SLC4A4: variants seen among roughly 807,000 people sequenced by gnomAD.
SLC4A4 encodes electrogenic sodium bicarbonate cotransporter 1.
Under a neutral mutation model 111.5 loss-of-function variants are expected in SLC4A4, and 27 were observed. The ratio of observed to expected loss-of-function variants is 0.24; its 90% CI spans 0.18 to 0.33. The LOEUF (loss-of-function observed/expected upper bound fraction) is 0.33, where lower values mean the gene tolerates loss of function less well. SLC4A4 is among the 10% of genes least tolerant of loss of function. The pLI is 1.00. For synonymous variants in SLC4A4, 443 were observed against 463.4 expected (o/e 0.96, Z 0.57); for missense variants, 909 against 1,315.5 (o/e 0.69, Z 4.78).
At chr4:71,307,294 C>G (rs1560396417) in intron 3 of SLC4A4, among the ~76,000 whole-genome samples, 1 of 152,188 alleles carries the variant, frequency 6.6e-6, no homozygotes, top group Non-Finnish European at 1.5e-5. Context: ...ATTTTATACA[C>G]ATTTCTGATT....
chr4:71,462,362 G>A (rs1379318059), intron 12 of SLC4A4, among the ~76,000 whole-genome samples: 1 of 150,716 alleles, frequency 6.6e-6, no homozygotes, highest in Non-Finnish European at 1.5e-5. Context: ...CATGCTCTTT[G>A]TGCTGAGCCA....
At chr4:71,457,878 C>A (rs955657527) in intron 12 of SLC4A4, among the ~76,000 whole-genome samples, 2 of 152,058 alleles carry the variant, frequency 1.3e-5, no homozygotes, top group African/African-American at 4.8e-5. Context: ...TTATGTAGTA[C>A]CTTTGCACAT....
chr4:71,089,246 A>C (rs530330465), intron 1 of SLC4A4, among the ~76,000 whole-genome samples: 1 of 151,930 alleles, frequency 6.6e-6, no homozygotes, highest in Non-Finnish European at 1.5e-5. Context: ...TTTCAGCTCC[A>C]TCAGGTCCTT....
At chr4:71,273,296 A>G (rs1578727418) in intron 3 of SLC4A4, among the ~76,000 whole-genome samples, 1 of 152,282 alleles carries the variant, frequency 6.6e-6, no homozygotes, top group African/African-American at 2.4e-5. Context: ...ACTGTGGGGG[A>G]GCATGAAACC....
intron 1 of SLC4A4, among the ~76,000 whole-genome samples, chr4:71,085,731 T>C (rs1220752178): frequency 6.6e-6 from 1 of 152,072 alleles, no homozygotes; most frequent in African/African-American, 2.4e-5. Flanking sequence ...TGCGGCATTA[T>C]TTCTGAGGGC....
At chr4:71,291,930 T>C (rs2149103250) in intron 3 of SLC4A4, among the ~76,000 whole-genome samples, 1 of 152,318 alleles carries the variant, frequency 6.6e-6, no homozygotes, top group Non-Finnish European at 1.5e-5. Context: ...TATCTATTTA[T>C]GGATTATGTG....
rs116017873 is a variant in SLC4A4, at chr4:71,273,642, C to T, written c.253+18243C>T. Among the ~76,000 whole-genome samples the T allele has an allele frequency of 6.4e-3, 970 of 151,132 alleles. 12 individuals carry two copies. Among genetic ancestry groups the T allele is most frequent in the African/African-American group, 0.022 (914 of 41,198 alleles). On this transcript the variant is annotated intron_variant, in intron 3 of 25. Transcript: ENST00000264485. Reference sequence around the variant, plus strand: ...TGGTTTTGGGTAAAGCCGACTTGCTCCTTAAACTGAATATTAGACTGAGGA... The same window carrying T: ...TGGTTTTGGGTAAAGCCGACTTGCTTCTTAAACTGAATATTAGACTGAGGA...
intron 3 of SLC4A4, among the ~76,000 whole-genome samples, chr4:71,322,342 AT>A (rs1727178058): frequency 6.6e-6 from 1 of 151,960 alleles, no homozygotes; most frequent in Non-Finnish European, 1.5e-5. Flanking sequence ...GTGCCTCTAT[AT>A]TCTTATGCAT....
At chr4:71,305,130 G>C (rs1172036618) in intron 3 of SLC4A4, among the ~76,000 whole-genome samples, 1 of 152,170 alleles carries the variant, frequency 6.6e-6, no homozygotes, top group Non-Finnish European at 1.5e-5. Context: ...TTGCCTCAAA[G>C]AATGAGGCTC....
At chr4:71,088,712 T>C (rs1276467023) in intron 1 of SLC4A4, among the ~76,000 whole-genome samples, 2 of 152,044 alleles carry the variant, frequency 1.3e-5, no homozygotes, top group Non-Finnish European at 2.9e-5. Context: ...TTCTTTTCTT[T>C]AAGAATGTTG....
chr4:71,233,401 CG>C (rs1719577344), intron 1 of SLC4A4: 1 of 601,256 alleles, frequency 1.7e-6, no homozygotes, highest in Non-Finnish European at 2.1e-6. Context: ...CTCAGCCACT[CG>C]GTAGCAGTAC....
chr4:71,453,723 A>G (rs1389926595), intron 12 of SLC4A4, 54 bp downstream of exon 12: 1 of 1,530,970 alleles, frequency 6.5e-7, no homozygotes, highest in African/African-American at 1.4e-5. Context: ...TGCCTTCCTC[A>G]CCCCTACAGC....
Position 71,465,154 on chromosome 4 carries a change from G to A in SLC4A4, c.1498-1290G>A, listed in dbSNP as rs1042808723. Reference sequence around the variant, plus strand: ...ATTTCAATTAAAAGGCTTATTTTATGTGGCATAAATCATACTTCTAACAAC... The same window carrying A: ...ATTTCAATTAAAAGGCTTATTTTATATGGCATAAATCATACTTCTAACAAC... On this transcript the variant is annotated intron_variant, in intron 12 of 25. Transcript: ENST00000264485. 4.6e-5 allele frequency among the ~76,000 whole-genome samples: 7 copies of A among 152,108 alleles called. No individual in the cohort carries two copies. The Middle Eastern group carries it at 0.01, about 222-fold the overall frequency.
chr4:71,112,437 A>G (rs1182834219), intron 2 of SLC4A4, among the ~76,000 whole-genome samples: 1 of 152,248 alleles, frequency 6.6e-6, no homozygotes, highest in Non-Finnish European at 1.5e-5. Context: ...ATTTTACACA[A>G]TGCTTCCTGG....
intron 7 of SLC4A4, among the ~76,000 whole-genome samples, chr4:71,425,053 C>T (rs1722991672): frequency 1.3e-5 from 2 of 151,974 alleles, no homozygotes; most frequent in Non-Finnish European, 2.9e-5. Context: ...TGATTCTTAT[C>T]CTTTTTCTTC....
chr4:71,537,785 G>A (rs1373346961), intron 18 of SLC4A4, among the ~76,000 whole-genome samples: 2 of 151,640 alleles, frequency 1.3e-5, no homozygotes, highest in Non-Finnish European at 2.9e-5. Flanking sequence ...TCCCATCTAT[G>A]CCCTCTCCCA....
rs1721159265 is a variant in SLC4A4, at chr4:71,409,394, G to T, written c.807+11741G>T. Among the ~76,000 whole-genome samples, 6 of 152,230 alleles carry T rather than the reference G, an allele frequency of 3.9e-5. No individual in the cohort carries two copies. The South Asian group carries it at 1.2e-3, about 31-fold the overall frequency. On this transcript the variant is annotated intron_variant, in intron 7 of 25. Transcript: ENST00000264485. ...TCAGGCTGAGGTGGTCTCAGATGGA[G>T]ATGTGTAACTTGTTGGGAACTGGAA...
intron 12 of SLC4A4, among the ~76,000 whole-genome samples, chr4:71,462,415 CTTTTTTTTTTT>C (rs869306669): frequency 8.2e-6 from 1 of 121,894 alleles, no homozygotes; most frequent in Non-Finnish European, 1.7e-5. Context: ...ACCTCCTCAT[CTTTTTTTTTTT>C]TTTTTTTTTT....
intron 2 of SLC4A4, 64 bp downstream of exon 2, chr4:71,236,713 T>C: frequency 7.8e-7 from 1 of 1,276,694 alleles, no homozygotes; most frequent in South Asian, 1.2e-5. Context: ...ATAATAACAT[T>C]CATGCATTTC....
Sources: gnomAD v4.1 joint callset for allele counts (sites outside exome capture counted in the v4.1 genomes callset) on GRCh38, gnomAD v4.1.1 for gene constraint, MANE v1.5 for transcripts, NCBI Gene and HGNC (gene_info 2026-07-23, HGNC 2026-07-21) for gene names.